KCNQ1OT1: variants seen among roughly 807,000 people sequenced by gnomAD.
The protein encoded by KCNQ1OT1 is KCNQ1 opposite strand/antisense transcript 1.
At chr11:2,644,171 AT>A (rs1849627202) in exon 1 of KCNQ1OT1, 1 of 398,432 alleles carries the variant, frequency 2.5e-6, no homozygotes, top group Non-Finnish European at 4.4e-6. Context: ...GTATTATTTC[AT>A]TAAATAGGTT....
Position 2,698,724 on chromosome 11 carries a change from C to T in KCNQ1OT1, n.1271G>A, listed in dbSNP as rs960708587. On this transcript the variant is annotated non_coding_transcript_exon_variant, in exon 1 of 1. Transcript: ENST00000597346. The surrounding 1 kb of genome is among the most constrained non-coding windows in gnomAD (Gnocchi z 5.1). ...TCCAGACCCTGACTCCAGTCGCCAA[C>T]TCGGACCTCCCTTGGATCTCAACTC... 7.5e-6 allele frequency: 3 copies of T among 398,858 alleles called. No homozygotes were observed. Among genetic ancestry groups the T allele is most frequent in the African/African-American group, 2.1e-5 (1 of 48,610 alleles). 24.7% of individuals were successfully genotyped at this position (398,858 alleles called of 1,614,324 possible).
In KCNQ1OT1 at chr11:2,620,434, T is replaced by C; in HGVS notation, n.79561A>G. ...TTTTTCCATGTTGGTCAGGCTGGTC[T>C]CGAACTCCTGACCTCAGGTGATCCA... On this transcript the variant is annotated non_coding_transcript_exon_variant, in exon 1 of 1. Coordinates refer to ENST00000597346, the Ensembl canonical transcript of KCNQ1OT1. This position sits in a 1 kb window ranked among gnomAD's most constrained non-coding sequence, Gnocchi z 4.5. The C allele has an allele frequency of 3.7e-6, 1 of 270,834 alleles. No homozygotes were observed. The highest frequency in any genetic ancestry group is 6.8e-6 in the Non-Finnish European group (1 of 146,922). 16.8% of individuals were successfully genotyped at this position (270,834 alleles called of 1,614,324 possible).
In KCNQ1OT1 at chr11:2,623,900, T is replaced by C. The variant is rs965985675; in HGVS notation, n.76095A>G. 2 of 398,528 alleles carry C rather than the reference T, an allele frequency of 5.0e-6. No individual in the cohort carries two copies. The highest frequency in any genetic ancestry group is 3.6e-5 in the East Asian group (1 of 28,084). The allele number at this position is 398,528 out of a possible 1,614,324, so 24.7% of individuals were successfully genotyped here. On this transcript the variant is annotated non_coding_transcript_exon_variant, in exon 1 of 1. Coordinates refer to ENST00000597346, the Ensembl canonical transcript of KCNQ1OT1. The surrounding 1 kb of genome is among the most constrained non-coding windows in gnomAD (Gnocchi z 5.2). ...TATGTATACACATTCAGAAGTGGAA[T>C]TGATGGATCCTATGATAATTCCATT...
chr11:2,614,799 T>C, exon 1 of KCNQ1OT1: 1 of 398,514 alleles, frequency 2.5e-6, no homozygotes, highest in East Asian at 3.6e-5. Context: ...ACTGCAGCTT[T>C]GTAAAAGTTT....
exon 1 of KCNQ1OT1, chr11:2,680,073 T>C (rs1850365390): frequency 2.5e-6 from 1 of 392,940 alleles, no homozygotes; most frequent in African/African-American, 2.1e-5. Context: ...TTTTTTTTTA[T>C]TAGAGACAGG....
exon 1 of KCNQ1OT1, chr11:2,688,041 C>G (rs1228098435): frequency 2.5e-6 from 1 of 398,670 alleles, no homozygotes; most frequent in Non-Finnish European, 4.4e-6. Context: ...GGCACACACT[C>G]CACTCAGCTG....
At chr11:2,694,201 G>A (rs1264567959) in exon 1 of KCNQ1OT1, 6 of 398,670 alleles carry the variant, frequency 1.5e-5, no homozygotes, top group South Asian at 2.5e-4. Context: ...CTTTCTCACC[G>A]AGGTGGTGAG....
At chr11:2,655,193 G>C (rs1211319714) in exon 1 of KCNQ1OT1, 4 of 398,534 alleles carry the variant, frequency 1.0e-5, no homozygotes, top group African/African-American at 2.1e-5. Context: ...AGACTTGGCA[G>C]CCAGCGTCCC....
At chr11:2,639,964 C>G (rs143575427) in exon 1 of KCNQ1OT1, 1,974 of 153,934 alleles carry the variant, frequency 0.013, 15 homozygotes, top group Middle Eastern at 0.03. Context: ...GACTGCTGTG[C>G]TAGCAATGAG....
rs1173300193 is a variant in KCNQ1OT1 at position 2,641,225 on chromosome 11, G to A, written n.58770C>T. ...GATTATGTCATATTTCTCTTTTTAG[G>A]TTTTTCAGAAATCAAACTGTTTTCT... On this transcript the variant is annotated non_coding_transcript_exon_variant, in exon 1 of 1. Coordinates refer to ENST00000597346, the Ensembl canonical transcript of KCNQ1OT1. 4.0e-5 allele frequency: 16 copies of A among 398,284 alleles called. 1 individual carries two copies. In the East Asian group the frequency reaches 4.6e-4, roughly 12 times the overall value. The allele number at this position is 398,284 out of a possible 1,614,324, so 24.7% of individuals were successfully genotyped here.
Position 2,620,659 on chromosome 11 carries a change from A to G in KCNQ1OT1, n.79336T>C, listed in dbSNP as rs970226591. ...AGTGCTGTGATGAACATACAAATGC[A>G]TGTGTCTTTTTGATAGAACAATTTA... is the stretch of plus-strand genomic sequence containing the variant. On this transcript the variant is annotated non_coding_transcript_exon_variant, in exon 1 of 1. Transcript: ENST00000597346. This position sits in a 1 kb window ranked among gnomAD's most constrained non-coding sequence, Gnocchi z 4.5. 2 of 398,402 alleles carry G rather than the reference A, an allele frequency of 5.0e-6. No individual in the cohort carries two copies. Among genetic ancestry groups the G allele is most frequent in the African/African-American group, 4.1e-5 (2 of 48,624 alleles). The allele number at this position is 398,402 out of a possible 1,614,324, so 24.7% of individuals were successfully genotyped here. A position where few individuals can be genotyped will look rare whatever the true frequency, so the allele number is the denominator to read the frequency against.
chr11:2,644,290 T>A (rs1849630749), exon 1 of KCNQ1OT1: 1 of 398,368 alleles, frequency 2.5e-6, no homozygotes, highest in Non-Finnish European at 4.4e-6. Flanking sequence ...TTTTCTATAT[T>A]TTTGTCTGAG....
At chr11:2,616,205 T>G (rs932752699) in exon 1 of KCNQ1OT1, 3 of 389,468 alleles carry the variant, frequency 7.7e-6, no homozygotes, top group African/African-American at 6.4e-5. Context: ...CCCACTTTTG[T>G]TTTTTTTTCT....
exon 1 of KCNQ1OT1, chr11:2,629,029 C>G (rs1027545256): frequency 4.0e-5 from 16 of 398,110 alleles, no homozygotes; most frequent in Non-Finnish European, 7.1e-5. Flanking sequence ...TGTGTAATAT[C>G]TTTCACTTTG....
chr11:2,661,922 T>G lies in KCNQ1OT1; in HGVS notation n.38073A>C, dbSNP rs739502. On this transcript the variant is annotated non_coding_transcript_exon_variant, in exon 1 of 1. Coordinates refer to ENST00000597346, the Ensembl canonical transcript of KCNQ1OT1. The surrounding 1 kb of genome is among the most constrained non-coding windows in gnomAD (Gnocchi z 5.9). Reference sequence around the variant, plus strand: ...GGCTCCACAGCACTGGCAGGTTGGGTGGGAGGCCTAACGTGCTGTCCCCAC... The same window carrying G: ...GGCTCCACAGCACTGGCAGGTTGGGGGGGAGGCCTAACGTGCTGTCCCCAC... 172,801 of 1,612,768 alleles carry G rather than the reference T, an allele frequency of 0.11. 13,121 individuals are homozygous for G. The highest frequency in any genetic ancestry group is 0.4 in the African/African-American group (29,760 of 74,890).
At chr11:2,638,122 CTCTT>C (rs1470097899) in exon 1 of KCNQ1OT1, 10 of 152,172 alleles carry the variant, frequency 6.6e-5, no homozygotes, top group Admixed American at 3.3e-4. Flanking sequence ...TGGGTCTTGA[CTCTT>C]TATCCAATTT....
exon 1 of KCNQ1OT1, chr11:2,646,703 A>G: frequency 2.5e-6 from 1 of 398,498 alleles, no homozygotes; most frequent in Non-Finnish European, 4.4e-6. Flanking sequence ...TTTTGTACTG[A>G]TGAGGTTTTG....
chr11:2,633,026 T>C, exon 1 of KCNQ1OT1: 1 of 398,512 alleles, frequency 2.5e-6, no homozygotes, highest in Admixed American at 4.4e-5. Flanking sequence ...TAATTTATAG[T>C]CCCACAAATA....
At chr11:2,629,949 C>T (rs1369829369) in exon 1 of KCNQ1OT1, 5 of 398,274 alleles carry the variant, frequency 1.3e-5, no homozygotes, top group African/African-American at 8.2e-5. Flanking sequence ...CTAGGACTTC[C>T]AGTACTGTGT....
Sources: allele counts gnomAD v4.1 joint callset, GRCh38; gene constraint gnomAD v4.1.1; non-coding constraint Gnocchi (gnomAD v3.1); transcripts MANE v1.5; gene names NCBI Gene and HGNC (gene_info 2026-07-23, HGNC 2026-07-21).